The following SP110 variants were observed in gnomAD, a reference collection of about 807,000 sequenced individuals.
SP110 encodes SP110 nuclear body protein.
In SP110, 62 loss-of-function variants were observed where a neutral mutation model predicts 92.7. The observed-to-expected ratio is 0.67, with a 90% CI of 0.55 to 0.83. SP110 has a LOEUF of 0.83. SP110 is among the 40% of genes least tolerant of loss of function. The pLI is 0.00. For synonymous variants in SP110, 273 were observed against 305.3 expected (o/e 0.89, Z 1.10); for missense variants, 793 against 863.9 (o/e 0.92, Z 1.03).
upstream of SP110, chr2:230,220,071 G>C (rs2045671572): frequency 1.0e-6 from 1 of 985,448 alleles, no homozygotes; most frequent in Non-Finnish European, 1.2e-6. Flanking sequence ...GCTGAAGGCA[G>C]GTCGGTGCCT....
At chr2:230,212,233 G>C (rs2044568674) in intron 5 of SP110, 114 bp downstream of exon 5, 1 of 781,578 alleles carries the variant, frequency 1.3e-6, no homozygotes. Flanking sequence ...CTTTTCCTTT[G>C]TATTGCTCAG....
chr2:230,221,787 AT>A, upstream of SP110: 1 of 1,428,038 alleles, frequency 7.0e-7, no homozygotes, highest in East Asian at 2.5e-5. Flanking sequence ...CTTTAGATCT[AT>A]TCAGAGATAC....
rs182412721 is a variant in SP110 at position 230,166,827 on chromosome 2, T to G, written c.*2297A>C. 2.0e-5 allele frequency among the ~76,000 whole-genome samples: 3 copies of G among 152,294 alleles called. No homozygotes were observed. Among genetic ancestry groups the G allele is most frequent in the Non-Finnish European group, 2.9e-5 (2 of 68,016 alleles). ...AGGTGTATCATACATATAAATCATG[T>G]ATCAAGGAAAATTTCCTGCCCTGGG... On this transcript the variant is annotated 3_prime_UTR_variant, in exon 19 of 19. Coordinates refer to ENST00000258381, the MANE Select transcript of SP110 (RefSeq NM_080424.4).
At chr2:230,172,432 G>T in intron 15 of SP110, 1 of 570,822 alleles carries the variant, frequency 1.8e-6, no homozygotes, top group South Asian at 2.0e-5. Flanking sequence ...GAGCTGCTGG[G>T]AGCACAAAGG....
At position 230,216,839 on chromosome 2, in the gene SP110, G is replaced by A. The variant is rs746325457; in HGVS notation, c.89C>T (p.Pro30Leu). 6.2e-7 allele frequency: 1 copy of A among 1,614,140 alleles called. No homozygotes were observed. The highest frequency in any genetic ancestry group is 8.5e-7 in the Non-Finnish European group (1 of 1,179,990). ...KLGIAYAIHK[P>L]FPFFEGLLDN... ...TAGGAGGCCTTCAAAGAAGGGAAATGGCTTGTGTATGGCATAGGCGATCCC... is the reference window on the plus strand; with the variant it reads ...TAGGAGGCCTTCAAAGAAGGGAAATAGCTTGTGTATGGCATAGGCGATCCC... The change falls in exon 2 of 19, where the codon CCA becomes CTA. Residue 30 changes from proline to leucine, a missense_variant. By Grantham distance (98) the Pro-to-Leu change is moderately conservative. Coordinates refer to ENST00000258381, the MANE Select transcript of SP110 (RefSeq NM_080424.4).
chr2:230,203,394 A>G (rs976589426), intron 8 of SP110: 1 of 156,284 alleles, frequency 6.4e-6, no homozygotes. Flanking sequence ...TCTGCAGGTT[A>G]GAAAGGACAC....
intron 10 of SP110, among the ~76,000 whole-genome samples, chr2:230,187,000 T>C (rs1157165230): frequency 6.6e-6 from 1 of 152,208 alleles, no homozygotes; most frequent in Non-Finnish European, 1.5e-5. Context: ...TGACTTATTT[T>C]CCTTTGGGTT....
chr2:230,208,086 G>A lies in SP110; in HGVS notation c.830-27C>T, dbSNP rs769163012. On this transcript the variant is annotated intron_variant, in intron 7 of 18. Coordinates refer to ENST00000258381, the MANE Select transcript of SP110 (RefSeq NM_080424.4). Reference sequence around the variant, plus strand: ...TAAAAAGAAAGGATAATGTTTTATAGTTACAAACATTGATCTCCCAATCTT... The same window carrying A: ...TAAAAAGAAAGGATAATGTTTTATAATTACAAACATTGATCTCCCAATCTT... 5 of 1,259,968 alleles carry A rather than the reference G, an allele frequency of 4.0e-6. No individual in the cohort carries two copies. The African/African-American group carries it at 5.9e-5, about 15-fold the overall frequency. 78.0% of individuals were successfully genotyped at this position (1,259,968 alleles called of 1,614,324 possible).
chr2:230,197,686 GT>G (rs2042942335), intron 10 of SP110, among the ~76,000 whole-genome samples: 1 of 151,496 alleles, frequency 6.6e-6, no homozygotes, highest in Non-Finnish European at 1.5e-5. Context: ...GGTCTAACAT[GT>G]AAGTCTTTAA....
chr2:230,216,152 A>T (rs1422392307), intron 2 of SP110, among the ~76,000 whole-genome samples: 1 of 152,224 alleles, frequency 6.6e-6, no homozygotes, highest in Non-Finnish European at 1.5e-5. Flanking sequence ...AATTGGGATG[A>T]TGCCTGTAGT....
At chr2:230,218,806 C>T (rs572783175) in intron 1 of SP110, among the ~76,000 whole-genome samples, 2 of 152,012 alleles carry the variant, frequency 1.3e-5, no homozygotes, top group South Asian at 2.1e-4. Flanking sequence ...ATTTTGCAAA[C>T]GAATAAGCAA....
upstream of SP110, among the ~76,000 whole-genome samples, chr2:230,222,687 C>A (rs11894013): frequency 1.3e-5 from 2 of 150,574 alleles, no homozygotes. Flanking sequence ...CAGAGTGAGA[C>A]CCTGTCTCAA....
chr2:230,176,775 T>G, intron 14 of SP110: 1 of 1,587,402 alleles, frequency 6.3e-7, no homozygotes, highest in Admixed American at 1.7e-5. Context: ...GGTTTTTCTT[T>G]TGTAGATACT....
At chr2:230,189,604 G>A (rs62192000) in intron 10 of SP110, among the ~76,000 whole-genome samples, 37,650 of 151,988 alleles carry the variant, frequency 0.25, 5,853 homozygotes, top group Non-Finnish European at 0.35. Flanking sequence ...TGGGACACAC[G>A]TGCAGAACAT....
At chr2:230,178,102 T>G in intron 13 of SP110, 55 bp downstream of exon 13, 2 of 1,082,584 alleles carry the variant, frequency 1.8e-6, no homozygotes, top group South Asian at 2.6e-5. Context: ...TTTTCCTCCC[T>G]TCTAGTGAGT....
chr2:230,197,194 T>G (rs2042917478), intron 10 of SP110, among the ~76,000 whole-genome samples: 1 of 151,716 alleles, frequency 6.6e-6, no homozygotes, highest in African/African-American at 2.4e-5. Context: ...CCACATCCTC[T>G]CCAGCACCTG....
intron 8 of SP110, 33 bp downstream of exon 8, chr2:230,207,958 A>G: frequency 2.7e-6 from 3 of 1,112,708 alleles, no homozygotes; most frequent in Non-Finnish European, 4.1e-6. Flanking sequence ...AGCTGTTTCC[A>G]GCCTCCAGCT....
At chr2:230,191,874 C>T (rs1419582054) in intron 10 of SP110, among the ~76,000 whole-genome samples, 5 of 151,984 alleles carry the variant, frequency 3.3e-5, no homozygotes, top group South Asian at 2.1e-4. Context: ...AACATCAATA[C>T]GAAAATCCTC....
At chr2:230,196,597 T>C (rs1219255498) in intron 10 of SP110, among the ~76,000 whole-genome samples, 2 of 152,114 alleles carry the variant, frequency 1.3e-5, no homozygotes, top group Non-Finnish European at 2.9e-5. Flanking sequence ...AATGTGCAGG[T>C]TTGTTACATA....
Sources: allele counts gnomAD v4.1 joint callset (sites outside exome capture counted in the v4.1 genomes callset), GRCh38; gene constraint gnomAD v4.1.1; transcripts MANE v1.5; gene names NCBI Gene and HGNC (gene_info 2026-07-23, HGNC 2026-07-21).